SOX21: variants seen among roughly 807,000 people sequenced by gnomAD.
SOX21 encodes the protein transcription factor SOX-21.
For missense variants in SOX21, 370 were observed against 388.8 expected (o/e 0.95, Z 0.41); for synonymous variants, 237 against 189.7 (o/e 1.25, Z -2.05).
At position 94,709,691 on chromosome 13, in the gene SOX21, G is replaced by A. The variant is rs913929797; in HGVS notation, c.*1528C>T. On this transcript the variant is annotated 3_prime_UTR_variant, in exon 1 of 1. Coordinates refer to ENST00000376945, the MANE Select transcript of SOX21 (RefSeq NM_007084.4). Reference sequence around the variant, plus strand: ...AAAAAAATGAACAGAGTGATAGTCGGATTCTAATTTACAGATATACCTTAG... The same window carrying A: ...AAAAAAATGAACAGAGTGATAGTCGAATTCTAATTTACAGATATACCTTAG... The A allele has an allele frequency of 1.3e-5, 2 of 152,560 alleles. No individual in the cohort carries two copies. The highest frequency in any genetic ancestry group is 2.9e-5 in the Non-Finnish European group (2 of 68,024). 9.5% of individuals were successfully genotyped at this position (152,560 alleles called of 1,614,324 possible). A position where few individuals can be genotyped will look rare whatever the true frequency, so the allele number is the denominator to read the frequency against.
In SOX21 at chr13:94,711,411, T is replaced by C. The variant is rs1029898471; in HGVS notation, c.639A>G (p.Ala213=). The part of the protein sequence containing the change: ...GAFHGAAAAA[A]AAAAAAGGHT... ...GCCCCCCGGCGGCGGCGGCCGCCGC[T>C]GCAGCCGCCGCCGCCGCGCCGTGGA... Residue 213 remains alanine (A), a synonymous_variant, in exon 1 of 1, where the codon GCA becomes GCG. Transcript: ENST00000376945. 1.8e-5 allele frequency: 8 copies of C among 445,478 alleles called. No homozygotes were observed. Among genetic ancestry groups the C allele is most frequent in the East Asian group, 1.3e-4 (1 of 7,892 alleles). The allele number at this position is 445,478 out of a possible 1,614,324, so 27.6% of individuals were successfully genotyped here. A position where few individuals can be genotyped will look rare whatever the true frequency, so the allele number is the denominator to read the frequency against.
rs551394296 is a variant in SOX21, at chr13:94,710,136, C to T, written c.*1083G>A. The T allele has an allele frequency of 6.6e-6, 1 of 152,300 alleles. No individual in the cohort carries two copies. Among genetic ancestry groups the T allele is most frequent in the African/African-American group, 2.4e-5 (1 of 41,538 alleles). 9.4% of individuals were successfully genotyped at this position (152,300 alleles called of 1,614,324 possible). On this transcript the variant is annotated 3_prime_UTR_variant, in exon 1 of 1. Coordinates refer to ENST00000376945, the MANE Select transcript of SOX21 (RefSeq NM_007084.4). Reference sequence around the variant, plus strand: ...ACCAGACAAAAAAGTCTGATTTAATCTTCGATAAAATTGCGATTCTGAAAT... The same window carrying T: ...ACCAGACAAAAAAGTCTGATTTAATTTTCGATAAAATTGCGATTCTGAAAT...
At position 94,709,664 on chromosome 13, in the gene SOX21, C is replaced by A. The variant is rs1567015668; in HGVS notation, c.*1555G>T. 6.6e-6 allele frequency: 1 copy of A among 151,682 alleles called. No individual in the cohort carries two copies. The highest frequency in any genetic ancestry group is 1.9e-4 in the East Asian group (1 of 5,174). The allele number at this position is 151,682 out of a possible 1,614,324, so 9.4% of individuals were successfully genotyped here. ...TCAGGCTTTATTTAAACTCTTTGTT[C>A]AAAAAAAATGAACAGAGTGATAGTC... On this transcript the variant is annotated 3_prime_UTR_variant, in exon 1 of 1. Coordinates refer to ENST00000376945, the MANE Select transcript of SOX21 (RefSeq NM_007084.4).
At position 94,712,417 on chromosome 13, in the gene SOX21, C is replaced by T. The variant is rs1034796755; in HGVS notation, c.-368G>A. Reference sequence around the variant, plus strand: ...GGCCGGGCAGAGCGCTCCTCCTCCTCGGTCGTTCTCTCTTAAATGCAAAGC... The same window carrying T: ...GGCCGGGCAGAGCGCTCCTCCTCCTTGGTCGTTCTCTCTTAAATGCAAAGC... On this transcript the variant is annotated 5_prime_UTR_variant, in exon 1 of 1. Coordinates refer to ENST00000376945, the MANE Select transcript of SOX21 (RefSeq NM_007084.4). The surrounding 1 kb of genome is among the most constrained non-coding windows in gnomAD (Gnocchi z 5.0). 21 of 1,010,976 alleles carry T rather than the reference C, an allele frequency of 2.1e-5. No homozygotes were observed. The African/African-American group carries it at 3.1e-4, about 15-fold the overall frequency. 62.6% of individuals were successfully genotyped at this position (1,010,976 alleles called of 1,614,324 possible). A position where few individuals can be genotyped will look rare whatever the true frequency, so the allele number is the denominator to read the frequency against.
At position 94,711,573 on chromosome 13, in the gene SOX21, A is replaced by AGCGGCG. The variant is rs927839940; in HGVS notation, c.471_476dup (p.Ala165_Ala166dup). 8.4e-6 allele frequency: 5 copies of AGCGGCG among 597,606 alleles called. No homozygotes were observed. The highest frequency in any genetic ancestry group is 6.4e-6 in the Non-Finnish European group (3 of 471,702). The allele number at this position is 597,606 out of a possible 1,614,324, so 37.0% of individuals were successfully genotyped here. A position where few individuals can be genotyped will look rare whatever the true frequency, so the allele number is the denominator to read the frequency against. Reference sequence around the variant, plus strand: ...TGCCCGCGGCGGCGGCGGCGGCGGCAGCGGCGGCGGCAGCGGCCGACTGCG... The same window carrying AGCGGCG: ...TGCCCGCGGCGGCGGCGGCGGCGGCAGCGGCGGCGGCGGCGGCAGCGGCCGACTGCG... On this transcript the variant is annotated inframe_insertion, in exon 1 of 1. Coordinates refer to ENST00000376945, the MANE Select transcript of SOX21 (RefSeq NM_007084.4).
At position 94,711,236 on chromosome 13, in the gene SOX21, AG is replaced by A; in HGVS notation, c.813del (p.Tyr272ThrfsTer45). On this transcript the variant is annotated frameshift_variant, in exon 1 of 1. Coordinates refer to ENST00000376945, the MANE Select transcript of SOX21 (RefSeq NM_007084.4). LOFTEE classifies it high-confidence loss of function. ...CCGCGGGGTCATAGCGCGGCAGCGT[AG>A]GCCGCGGGGTAGGGGTCCAGCTGGG... Reference protein sequence around the residue: ...GKPQLDPYPAAYAAAL With the variant: ...GKPQLDPYPAXYAAAL 1 of 1,358,702 alleles carries A rather than the reference AG, an allele frequency of 7.4e-7. No homozygotes were observed. Among genetic ancestry groups the A allele is most frequent in the Admixed American group, 3.6e-5 (1 of 27,706 alleles). 84.2% of individuals were successfully genotyped at this position (1,358,702 alleles called of 1,614,324 possible). A position where few individuals can be genotyped will look rare whatever the true frequency, so the allele number is the denominator to read the frequency against.
At position 94,709,719 on chromosome 13, in the gene SOX21, G is replaced by A. The variant is rs1001172925; in HGVS notation, c.*1500C>T. 1 of 152,550 alleles carries A rather than the reference G, an allele frequency of 6.6e-6. No individual in the cohort carries two copies. The highest frequency in any genetic ancestry group is 2.4e-5 in the African/African-American group (1 of 41,422). 9.4% of individuals were successfully genotyped at this position (152,550 alleles called of 1,614,324 possible). ...TCTAATTTACAGATATACCTTAGAC[G>A]TCTAATATTAAATTAGAAGGTCACA... On this transcript the variant is annotated 3_prime_UTR_variant, in exon 1 of 1. Transcript: ENST00000376945.
chr13:94,711,229 G>T lies in SOX21; in HGVS notation c.821C>A (p.Ala274Asp). The change falls in exon 1 of 1, where the codon GCC becomes GAC. Residue 274 changes from alanine (A) to aspartate (D), a missense_variant. Ala to Asp is a moderately radical substitution (Grantham distance 126). Transcript: ENST00000376945. Reference sequence around the variant, plus strand: ...GGCGGCCCCGCGGGGTCATAGCGCGGCAGCGTAGGCCGCGGGGTAGGGGTC... The same window carrying T: ...GGCGGCCCCGCGGGGTCATAGCGCGTCAGCGTAGGCCGCGGGGTAGGGGTC... ...QLDPYPAAYAAAL is the reference protein window; with the variant it reads ...QLDPYPAAYADAL 1 of 1,352,040 alleles carries T rather than the reference G, an allele frequency of 7.4e-7. No individual in the cohort carries two copies. Among genetic ancestry groups the T allele is most frequent in the South Asian group, 1.9e-5 (1 of 52,422 alleles). 83.8% of individuals were successfully genotyped at this position (1,352,040 alleles called of 1,614,324 possible). A position where few individuals can be genotyped will look rare whatever the true frequency, so the allele number is the denominator to read the frequency against.
Position 94,711,169 on chromosome 13 carries a change from T to C in SOX21, c.*50A>G, listed in dbSNP as rs1484998081. On this transcript the variant is annotated 3_prime_UTR_variant, in exon 1 of 1. Coordinates refer to ENST00000376945, the MANE Select transcript of SOX21 (RefSeq NM_007084.4). ...GGGGAGGCCGCAGCGCTCGTACCTA[T>C]ACATATGTACACGTGTGCACACCGG... 1 of 1,254,710 alleles carries C rather than the reference T, an allele frequency of 8.0e-7. No homozygotes were observed. Among genetic ancestry groups the C allele is most frequent in the East Asian group, 3.1e-5 (1 of 31,758 alleles). 77.7% of individuals were successfully genotyped at this position (1,254,710 alleles called of 1,614,324 possible).
rs1875192907 is a variant in SOX21 at position 94,710,102 on chromosome 13, T to C, written c.*1117A>G. 6.6e-6 allele frequency: 1 copy of C among 152,198 alleles called. No homozygotes were observed. The highest frequency in any genetic ancestry group is 2.4e-5 in the African/African-American group (1 of 41,450). 9.4% of individuals were successfully genotyped at this position (152,198 alleles called of 1,614,324 possible). A position where few individuals can be genotyped will look rare whatever the true frequency, so the allele number is the denominator to read the frequency against. ...TTCTTCAGTTTTGCTAAATAATAAA[T>C]ATATAATTACCAGACAAAAAAGTCT... On this transcript the variant is annotated 3_prime_UTR_variant, in exon 1 of 1. Coordinates refer to ENST00000376945, the MANE Select transcript of SOX21 (RefSeq NM_007084.4).
chr13:94,711,347 T>G lies in SOX21; in HGVS notation c.703A>C (p.Met235Leu). 7.9e-7 allele frequency: 1 copy of G among 1,273,356 alleles called. No homozygotes were observed. The highest frequency in any genetic ancestry group is 9.9e-7 in the Non-Finnish European group (1 of 1,013,812). The allele number at this position is 1,273,356 out of a possible 1,614,324, so 78.9% of individuals were successfully genotyped here. A position where few individuals can be genotyped will look rare whatever the true frequency, so the allele number is the denominator to read the frequency against. Residue 235 changes from methionine to leucine, a missense_variant, in exon 1 of 1, where the codon ATG (methionine) becomes CTG (leucine). Physicochemically the swap from Met to Leu is conservative, Grantham distance 15. Transcript: ENST00000376945. ...CACGCGCTGCAGTTGCACGGGATCA[T>G]GTAGCCCGGGTTGCCCGGGCTGGGG... is the stretch of plus-strand genomic sequence containing the variant. ...SHPSPGNPGYMIPCNCSAWPS... is the reference protein window; with the variant it reads ...SHPSPGNPGYLIPCNCSAWPS...
Position 94,711,213 on chromosome 13 carries a change from GC to G in SOX21, c.*5del. On this transcript the variant is annotated 3_prime_UTR_variant, in exon 1 of 1. Coordinates refer to ENST00000376945, the MANE Select transcript of SOX21 (RefSeq NM_007084.4). ...ACACCGGTCCTCGCGAGGCGGCCCC[GC>G]GGGGTCATAGCGCGGCAGCGTAGGC... 7.5e-7 allele frequency: 1 copy of G among 1,327,006 alleles called. No individual in the cohort carries two copies. The allele number at this position is 1,327,006 out of a possible 1,614,324, so 82.2% of individuals were successfully genotyped here. A position where few individuals can be genotyped will look rare whatever the true frequency, so the allele number is the denominator to read the frequency against.
Position 94,712,295 on chromosome 13 carries a change from G to A in SOX21, c.-246C>T. On this transcript the variant is annotated 5_prime_UTR_variant, in exon 1 of 1. Coordinates refer to ENST00000376945, the MANE Select transcript of SOX21 (RefSeq NM_007084.4). This position sits in a 1 kb window ranked among gnomAD's most constrained non-coding sequence, Gnocchi z 5.0. ...GTCTCTGGGACACTCTAACTTCTCG[G>A]CGGTGCCCCCTCCCCGCGGCGGCAG... is the stretch of plus-strand genomic sequence containing the variant. The A allele has an allele frequency of 2.6e-6, 3 of 1,170,572 alleles. No individual in the cohort carries two copies. Among genetic ancestry groups the A allele is most frequent in the Non-Finnish European group, 3.2e-6 (3 of 951,538 alleles). The allele number at this position is 1,170,572 out of a possible 1,614,324, so 72.5% of individuals were successfully genotyped here. A position where few individuals can be genotyped will look rare whatever the true frequency, so the allele number is the denominator to read the frequency against.
chr13:94,711,345 C>A lies in SOX21; in HGVS notation c.705G>T (p.Met235Ile). The A allele has an allele frequency of 2.4e-6, 3 of 1,275,422 alleles. No individual in the cohort carries two copies. The highest frequency in any genetic ancestry group is 3.0e-6 in the Non-Finnish European group (3 of 1,014,354). 79.0% of individuals were successfully genotyped at this position (1,275,422 alleles called of 1,614,324 possible). ...SHPSPGNPGYMIPCNCSAWPS... is the reference protein window; with the variant it reads ...SHPSPGNPGYIIPCNCSAWPS... ...GCCACGCGCTGCAGTTGCACGGGAT[C>A]ATGTAGCCCGGGTTGCCCGGGCTGG... Residue 235 changes from methionine to isoleucine, a missense_variant, in exon 1 of 1, where the codon ATG becomes ATT. By Grantham distance (10) the Met-to-Ile change is conservative (BLOSUM62 1). Coordinates refer to ENST00000376945, the MANE Select transcript of SOX21 (RefSeq NM_007084.4).
rs959593631 is a variant in SOX21 at position 94,710,804 on chromosome 13, C to G, written c.*415G>C. ...GGTTGGGGGTTGGGGGGCTGAGGGG[C>G]GAGGAAGAAGAATGAGAAACAAAAA... On this transcript the variant is annotated 3_prime_UTR_variant, in exon 1 of 1. Coordinates refer to ENST00000376945, the MANE Select transcript of SOX21 (RefSeq NM_007084.4). The G allele has an allele frequency of 1.3e-5, 2 of 151,312 alleles. No homozygotes were observed. The highest frequency in any genetic ancestry group is 2.9e-5 in the Non-Finnish European group (2 of 69,048). 9.4% of individuals were successfully genotyped at this position (151,312 alleles called of 1,614,324 possible). A position where few individuals can be genotyped will look rare whatever the true frequency, so the allele number is the denominator to read the frequency against.
chr13:94,711,435 G>T lies in SOX21; in HGVS notation c.615C>A (p.Phe205Leu), dbSNP rs1875241756. 9.2e-7 allele frequency: 1 copy of T among 1,091,996 alleles called. No homozygotes were observed. The highest frequency in any genetic ancestry group is 1.1e-6 in the Non-Finnish European group (1 of 896,330). 67.6% of individuals were successfully genotyped at this position (1,091,996 alleles called of 1,614,324 possible). A position where few individuals can be genotyped will look rare whatever the true frequency, so the allele number is the denominator to read the frequency against. ...CTGCAGCCGCCGCCGCCGCGCCGTG[G>T]AAGGCGCCCGCGCCCGCGGTCGGGT... is the stretch of plus-strand genomic sequence containing the variant. ...LGYPTAGAGA[F>L]HGAAAAAAAA... Residue 205 changes from phenylalanine to leucine, a missense_variant, in exon 1 of 1, where the codon TTC becomes TTA. Phe to Leu is a conservative substitution (Grantham distance 22). Coordinates refer to ENST00000376945, the MANE Select transcript of SOX21 (RefSeq NM_007084.4).
At position 94,711,582 on chromosome 13, in the gene SOX21, G is replaced by T. The variant is rs939251190; in HGVS notation, c.468C>A (p.Ala156=). The T allele has an allele frequency of 6.8e-6, 8 of 1,185,142 alleles. No homozygotes were observed. In the African/African-American group the frequency reaches 1.1e-4, roughly 17 times the overall value. The allele number at this position is 1,185,142 out of a possible 1,614,324, so 73.4% of individuals were successfully genotyped here. A position where few individuals can be genotyped will look rare whatever the true frequency, so the allele number is the denominator to read the frequency against. Residue 156 remains alanine, a synonymous_variant, in exon 1 of 1, where the codon GCC becomes GCA. Coordinates refer to ENST00000376945, the MANE Select transcript of SOX21 (RefSeq NM_007084.4). ...CGGCGGCGGCGGCGGCAGCGGCGGC[G>T]GCAGCGGCCGACTGCGGGAAGAAGA... ...ARVFFPQSAA[A]AAAAAAAAAA...
Position 94,711,320 on chromosome 13 carries a change from G to A in SOX21, c.730C>T (p.Pro244Ser). ...AGCGGCGGCTGCAGCCCGGGGCTGG[G>A]CCACGCGCTGCAGTTGCACGGGATC... The part of the protein sequence containing the change: ...YMIPCNCSAW[P>S]SPGLQPPLAY... The change falls in exon 1 of 1, where the codon CCC (proline) becomes TCC (serine). Residue 244 changes from proline (P) to serine (S), a missense_variant. By Grantham distance (74) the Pro-to-Ser change is moderately conservative (BLOSUM62 -1). Transcript: ENST00000376945. The A allele has an allele frequency of 7.6e-7, 1 of 1,314,108 alleles. No homozygotes were observed. The highest frequency in any genetic ancestry group is 9.6e-7 in the Non-Finnish European group (1 of 1,037,680). The allele number at this position is 1,314,108 out of a possible 1,614,324, so 81.4% of individuals were successfully genotyped here.
rs927196385 is a variant in SOX21 at position 94,711,225 on chromosome 13, C to G, written c.825G>C (p.Ala275=). The part of the protein sequence containing the change: ...LDPYPAAYAA[A]L Reference sequence around the variant, plus strand: ...GCGAGGCGGCCCCGCGGGGTCATAGCGCGGCAGCGTAGGCCGCGGGGTAGG... The same window carrying G: ...GCGAGGCGGCCCCGCGGGGTCATAGGGCGGCAGCGTAGGCCGCGGGGTAGG... The change falls in exon 1 of 1, where the codon GCG becomes GCC. Residue 275 remains alanine (A), a synonymous_variant. Coordinates refer to ENST00000376945, the MANE Select transcript of SOX21 (RefSeq NM_007084.4). The G allele has an allele frequency of 7.4e-7, 1 of 1,346,648 alleles. No individual in the cohort carries two copies. Among genetic ancestry groups the G allele is most frequent in the Non-Finnish European group, 9.5e-7 (1 of 1,054,894 alleles). 83.4% of individuals were successfully genotyped at this position (1,346,648 alleles called of 1,614,324 possible).
Sources: allele counts gnomAD v4.1 joint callset, GRCh38; gene constraint gnomAD v4.1.1; non-coding constraint Gnocchi (gnomAD v3.1); transcripts MANE v1.5; gene names NCBI Gene and HGNC (gene_info 2026-07-23, HGNC 2026-07-21).